GLIS3: variants seen among roughly 807,000 people sequenced by gnomAD.
GLIS3 encodes the protein zinc finger protein GLIS3.
In GLIS3, 53 loss-of-function variants were observed where a neutral mutation model predicts 78.6. The observed-to-expected ratio is 0.67, with a 90% CI of 0.54 to 0.85. The LOEUF is 0.85. Among genes scored for constraint, GLIS3 ranks in the 40% least tolerant of loss-of-function variants. GLIS3 has a pLI of 0.00. For synonymous variants in GLIS3, 684 were observed against 509.9 expected, an observed-to-expected ratio of 1.34 and a Z score of -4.60; for missense variants, 1,703 against 1,231.1, an observed-to-expected ratio of 1.38 and a Z score of -5.74.
the GLIS3 span, among the ~76,000 whole-genome samples, chr9:4,374,010 T>A: frequency 6.6e-6 from 1 of 152,194 alleles, no homozygotes; most frequent in Non-Finnish European, 1.5e-5. Flanking sequence ...ATTTACTTCA[T>A]ACATGGGCAC....
chr9:4,173,802 G>A (rs963734604), intron 2 of GLIS3, among the ~76,000 whole-genome samples: 2 of 150,710 alleles, frequency 1.3e-5, no homozygotes, highest in African/African-American at 5.0e-5. Context: ...GAAAAGTTCT[G>A]TATCTAAAAT....
Position 4,321,302 on chromosome 9 carries a change from G to T in GLIS3, n.265-10774C>A, listed in dbSNP as rs1428740087. Among the ~76,000 whole-genome samples the T allele has an allele frequency of 4.6e-5, 6 of 130,780 alleles. 1 individual carries two copies. The highest frequency in any genetic ancestry group is 3.4e-3 in the Middle Eastern group (1 of 292). The allele number at this position is 130,780 out of a possible 152,430, so 85.8% of individuals were successfully genotyped here. Reference sequence around the variant, plus strand: ...CCGGGAGTGGTGGCGGGCGCCTGTAGTCCCAGCTACTCGGGAGGCTGAGGC... The same window carrying T: ...CCGGGAGTGGTGGCGGGCGCCTGTATTCCCAGCTACTCGGGAGGCTGAGGC... On this transcript the variant is annotated intron_variant and non_coding_transcript_variant, in intron 2 of 4. Transcript: ENST00000471664.
chr9:4,127,583 T>C (rs901595203), intron 2 of GLIS3, among the ~76,000 whole-genome samples: 1 of 152,126 alleles, frequency 6.6e-6, no homozygotes, highest in South Asian at 2.1e-4. Flanking sequence ...ATTCAATATC[T>C]TTAAAAATCT....
intron 2 of GLIS3, among the ~76,000 whole-genome samples, chr9:4,208,102 G>T (rs1409365532): frequency 6.6e-6 from 1 of 152,128 alleles, no homozygotes; most frequent in African/African-American, 2.4e-5. Flanking sequence ...GGCCTAACCA[G>T]GCCTGCAGTT....
chr9:4,154,592 C>G (rs1023613284), intron 2 of GLIS3, among the ~76,000 whole-genome samples: 1 of 133,690 alleles, frequency 7.5e-6, no homozygotes, highest in African/African-American at 3.0e-5. Context: ...CTTACATAAA[C>G]AGTCCTTGCG....
chr9:4,274,572 G>A (rs540712719), intron 2 of GLIS3, among the ~76,000 whole-genome samples: 11 of 152,242 alleles, frequency 7.2e-5, no homozygotes, highest in South Asian at 4.1e-4. Flanking sequence ...AAGAGTCAGC[G>A]GTCATCCTGG....
the GLIS3 span, among the ~76,000 whole-genome samples, chr9:4,436,463 A>G: frequency 6.6e-6 from 1 of 152,098 alleles, no homozygotes; most frequent in African/African-American, 2.4e-5. Flanking sequence ...CACTGCCACC[A>G]TGACCCCCAA....
the GLIS3 span, among the ~76,000 whole-genome samples, chr9:4,471,838 A>C: frequency 3.9e-5 from 6 of 152,196 alleles, no homozygotes; most frequent in African/African-American, 9.7e-5. Flanking sequence ...AGTGGGAGAA[A>C]ATTTTTGCAA....
chr9:4,459,659 G>T, the GLIS3 span, among the ~76,000 whole-genome samples: 2 of 152,136 alleles, frequency 1.3e-5, no homozygotes, highest in African/African-American at 4.8e-5. Flanking sequence ...CAGCTACTTG[G>T]GAGACTGAGG....
chr9:4,334,902 AC>A (rs1817734802), intron 2 of GLIS3, among the ~76,000 whole-genome samples: 2 of 76,568 alleles, frequency 2.6e-5, no homozygotes, highest in South Asian at 4.4e-4. Context: ...AATCATTTCC[AC>A]CTTTTTTTTT....
intron 8 of GLIS3, among the ~76,000 whole-genome samples, chr9:3,871,847 A>T (rs1177272305): frequency 1.3e-5 from 2 of 152,210 alleles, no homozygotes; most frequent in Non-Finnish European, 2.9e-5. Context: ...TACTTATGCA[A>T]ATTTATGCAG....
the GLIS3 span, among the ~76,000 whole-genome samples, chr9:4,466,653 G>A: frequency 6.6e-6 from 1 of 152,154 alleles, no homozygotes; most frequent in African/African-American, 2.4e-5. Context: ...TTAATAGAGA[G>A]AACTAGGTGG....
At chr9:4,010,749 C>T (rs1821937564) in intron 4 of GLIS3, among the ~76,000 whole-genome samples, 2 of 152,162 alleles carry the variant, frequency 1.3e-5, no homozygotes, top group Admixed American at 1.3e-4. Context: ...ACCAGCCCTT[C>T]TAATAGTTCT....
chr9:3,976,485 T>C (rs910631895), intron 4 of GLIS3, among the ~76,000 whole-genome samples: 1 of 126,300 alleles, frequency 7.9e-6, no homozygotes, highest in African/African-American at 4.1e-5. Context: ...TTCTGTCCCA[T>C]TGCCTATTTT....
At chr9:3,869,068 G>A (rs1474229233) in intron 8 of GLIS3, among the ~76,000 whole-genome samples, 1 of 152,088 alleles carries the variant, frequency 6.6e-6, no homozygotes, top group Non-Finnish European at 1.5e-5. Flanking sequence ...GGCTTCTGTT[G>A]GTCTTATTTA....
chr9:3,996,093 A>G (rs986666116), intron 4 of GLIS3, among the ~76,000 whole-genome samples: 1 of 152,158 alleles, frequency 6.6e-6, no homozygotes, highest in African/African-American at 2.4e-5. Context: ...ACTCAACAGC[A>G]ACATCAGGAG....
At chr9:3,950,423 T>C (rs1816600850) in intron 4 of GLIS3, among the ~76,000 whole-genome samples, 1 of 152,224 alleles carries the variant, frequency 6.6e-6, no homozygotes, top group African/African-American at 2.4e-5. Flanking sequence ...TCTTGCTTGA[T>C]GTGGCTCCCG....
chr9:4,037,955 G>GA (rs35261832), intron 4 of GLIS3, among the ~76,000 whole-genome samples: 53,731 of 150,004 alleles, frequency 0.36, 9,937 homozygotes, highest in African/African-American at 0.45. Context: ...TCCAGGAAAG[G>GA]AAAAAAAAAA....
At chr9:4,211,871 G>C (rs979063384) in intron 2 of GLIS3, among the ~76,000 whole-genome samples, 8 of 152,238 alleles carry the variant, frequency 5.3e-5, no homozygotes, top group Admixed American at 2.6e-4. Context: ...ACATGCTACA[G>C]CATGGATTGA....
Sources: allele counts gnomAD v4.1 joint callset (sites outside exome capture counted in the v4.1 genomes callset), GRCh38; gene constraint gnomAD v4.1.1; transcripts MANE v1.5; gene names NCBI Gene and HGNC (gene_info 2026-07-23, HGNC 2026-07-21).